The following SH3D19 variants were observed in gnomAD, a reference collection of about 807,000 sequenced individuals.
SH3D19 encodes the protein SH3 domain-containing protein 19.
Under a neutral mutation model 112.1 loss-of-function variants are expected in SH3D19, and 58 were observed. That is an observed-to-expected ratio of 0.52 (90% CI 0.42 to 0.64). The LOEUF (loss-of-function observed/expected upper bound fraction) is 0.64. Among genes scored for constraint, SH3D19 ranks in the 30% least tolerant of loss-of-function variants. SH3D19 has a pLI of 0.00. For missense variants in SH3D19, 1,090 were observed against 1,263.4 expected (o/e 0.86, Z 2.08); for synonymous variants, 391 against 448.5 (o/e 0.87, Z 1.62).
intron 7 of SH3D19, among the ~76,000 whole-genome samples, chr4:151,169,466 G>A (rs974658829): frequency 1.3e-5 from 2 of 152,114 alleles, no homozygotes; most frequent in East Asian, 3.9e-4. Context: ...ATCCATGTGA[G>A]GAGTGCAGAT....
chr4:151,162,853 G>T (rs1757394937), intron 8 of SH3D19, among the ~76,000 whole-genome samples: 1 of 152,136 alleles, frequency 6.6e-6, no homozygotes, highest in South Asian at 2.1e-4. Context: ...GGAATTATAG[G>T]CATGAGCCAC....
At position 151,127,642 on chromosome 4, in the gene SH3D19, C is replaced by T; in HGVS notation, c.3003G>A (p.Glu1001=). 1 of 1,603,162 alleles carries T rather than the reference C, an allele frequency of 6.2e-7. No individual in the cohort carries two copies. Among genetic ancestry groups the T allele is most frequent in the Admixed American group, 1.7e-5 (1 of 57,222 alleles). ...KAKALYDFRG[E]NEDELSFKAG... ...CCTTGAAGGAAAGTTCATCTTCATT[C>T]TCCCCTCGGAAATCATATAAGGCTT... Residue 1001 remains glutamate (E), a synonymous_variant, in exon 19 of 20, where the codon GAG becomes GAA. Coordinates refer to ENST00000604030, the MANE Select transcript of SH3D19 (RefSeq NM_001378122.1).
At chr4:151,236,348 G>C (rs552218795) in intron 1 of SH3D19, among the ~76,000 whole-genome samples, 2 of 152,382 alleles carry the variant, frequency 1.3e-5, no homozygotes, top group African/African-American at 4.8e-5. Flanking sequence ...GCACCTGCTG[G>C]GCTTGATTGG....
In SH3D19 at chr4:151,159,243, G is replaced by C; in HGVS notation, c.1752C>G (p.Asn584Lys). The C allele has an allele frequency of 2.0e-6, 3 of 1,516,540 alleles. No individual in the cohort carries two copies. Among genetic ancestry groups the C allele is most frequent in the Non-Finnish European group, 2.6e-6 (3 of 1,136,646 alleles). 93.9% of individuals were successfully genotyped at this position (1,516,540 alleles called of 1,614,324 possible). A position where few individuals can be genotyped will look rare whatever the true frequency, so the allele number is the denominator to read the frequency against. ...ACAATCTATAATGACCACTTACCAA[G>C]TTTCTAGTTCTCTCAACATTACTGA... Reference protein sequence around the residue: ...GKLSNVERTRNLESNHPGQTG... With the variant: ...GKLSNVERTRKLESNHPGQTG... The change falls in exon 9 of 20, where the codon AAC becomes AAG. Residue 584 changes from asparagine (N) to lysine (K), a missense_variant. Asn to Lys is a moderately conservative substitution (Grantham distance 94, BLOSUM62 0). Coordinates refer to ENST00000604030, the MANE Select transcript of SH3D19 (RefSeq NM_001378122.1).
intron 1 of SH3D19, chr4:151,277,289 A>T: frequency 3.1e-6 from 4 of 1,275,744 alleles, no homozygotes; most frequent in Non-Finnish European, 4.2e-6. Context: ...GGCATCACAT[A>T]GAACAATGTG....
intron 1 of SH3D19, among the ~76,000 whole-genome samples, chr4:151,235,202 C>G (rs964859835): frequency 1.3e-5 from 2 of 152,180 alleles, no homozygotes; most frequent in Non-Finnish European, 2.9e-5. Flanking sequence ...CCTCCACCCT[C>G]CAGTAGGACC....
At position 151,300,157 on chromosome 4, in the gene SH3D19, T is replaced by C. The variant is rs187193702; in HGVS notation, c.112+25084A>G. On this transcript the variant is annotated intron_variant, in intron 1 of 19. Coordinates refer to ENST00000604030, the MANE Select transcript of SH3D19 (RefSeq NM_001378122.1). ...CGGAGGTTGCAGTGAGCCGACATCA[T>C]GCTATTGCACTCCAGCCTGGGCAAC... is the stretch of plus-strand genomic sequence containing the variant. 1.6e-4 allele frequency among the ~76,000 whole-genome samples: 24 copies of C among 151,808 alleles called. No individual in the cohort carries two copies. In the East Asian group the frequency reaches 3.9e-3, roughly 25 times the overall value.
chr4:151,283,147 C>G (rs376656846), intron 1 of SH3D19: 1 of 1,613,846 alleles, frequency 6.2e-7, no homozygotes, highest in Non-Finnish European at 8.5e-7. Context: ...CTTCAGGAAG[C>G]AGAAGTACCC....
rs375778425 is a variant in SH3D19, at chr4:151,186,631, AC to A, written c.193+791del. Among the ~76,000 whole-genome samples the A allele has an allele frequency of 1.0e-4, 15 of 150,614 alleles. 1 individual carries two copies. The highest frequency in any genetic ancestry group is 3.7e-4 in the African/African-American group (15 of 41,042). ...GTATTTTTAGTAGAGACGAGGTTTC[AC>A]CATGTTGGTTGGGCTGGTCTTGGAA... On this transcript the variant is annotated intron_variant, in intron 3 of 19. Transcript: ENST00000604030.
intron 1 of SH3D19, among the ~76,000 whole-genome samples, chr4:151,299,521 G>C (rs926899617): frequency 1.4e-5 from 2 of 147,086 alleles, no homozygotes; most frequent in African/African-American, 5.0e-5. Context: ...CGGAGGTTGC[G>C]GTGAGCCGAG....
chr4:151,162,911 A>G (rs1280876027), intron 8 of SH3D19, among the ~76,000 whole-genome samples: 1 of 152,126 alleles, frequency 6.6e-6, no homozygotes, highest in African/African-American at 2.4e-5. Context: ...AGGAACTTGG[A>G]CTTTGGGACA....
At chr4:151,144,106 C>G in intron 11 of SH3D19, 56 bp from the exon 12 acceptor site, 2 of 1,588,288 alleles carry the variant, frequency 1.3e-6, no homozygotes, top group Non-Finnish European at 1.7e-6. Flanking sequence ...AACATTATTA[C>G]TTTTTCACAT....
chr4:151,232,551 C>T (rs1385456303), intron 1 of SH3D19, among the ~76,000 whole-genome samples: 1 of 152,180 alleles, frequency 6.6e-6, no homozygotes, highest in Non-Finnish European at 1.5e-5. Context: ...AGTGACTGTA[C>T]AAGTCACTTA....
chr4:151,145,637 G>C (rs1206005545), intron 11 of SH3D19, among the ~76,000 whole-genome samples: 1 of 152,200 alleles, frequency 6.6e-6, no homozygotes, highest in African/African-American at 2.4e-5. Flanking sequence ...CACAAAGCCT[G>C]TTTGGTGGTC....
At chr4:151,199,634 G>A (rs969736060) in intron 2 of SH3D19, among the ~76,000 whole-genome samples, 5 of 152,078 alleles carry the variant, frequency 3.3e-5, no homozygotes, top group African/African-American at 1.2e-4. Context: ...CTGCCACACT[G>A]GAAGCATTTT....
chr4:151,131,630 G>A (rs1019284303), intron 17 of SH3D19, among the ~76,000 whole-genome samples: 16 of 151,892 alleles, frequency 1.1e-4, no homozygotes, highest in African/African-American at 2.7e-4. Context: ...GGGAATACGC[G>A]CGCTGGTCAC....
chr4:151,150,861 T>C (rs1245981118), intron 9 of SH3D19, among the ~76,000 whole-genome samples: 2 of 151,748 alleles, frequency 1.3e-5, no homozygotes, highest in Non-Finnish European at 2.9e-5. Flanking sequence ...AGGTAATACG[T>C]GGAGAATATT....
intron 7 of SH3D19, 84 bp downstream of exon 7, chr4:151,174,586 G>T: frequency 7.8e-7 from 1 of 1,289,818 alleles, no homozygotes; most frequent in Non-Finnish European, 1.1e-6. Flanking sequence ...AATAACTTAT[G>T]TACCAGAAAC....
intron 2 of SH3D19, among the ~76,000 whole-genome samples, chr4:151,214,744 A>T (rs76298800): frequency 2.1e-4 from 3 of 13,994 alleles, no homozygotes; most frequent in Non-Finnish European, 1.5e-3. Context: ...CCGGATGGGG[A>T]GGCTGGCCGG....
Sources: allele counts gnomAD v4.1 joint callset (sites outside exome capture counted in the v4.1 genomes callset), GRCh38; gene constraint gnomAD v4.1.1; transcripts MANE v1.5; gene names NCBI Gene and HGNC (gene_info 2026-07-23, HGNC 2026-07-21).